The following ABCD2 variants were observed in gnomAD, a reference collection of about 807,000 sequenced individuals.
ABCD2 encodes ATP-binding cassette sub-family D member 2.
A neutral mutation model predicts 70.9 loss-of-function variants in ABCD2; 36 were observed. The ratio of observed to expected loss-of-function variants is 0.51; its 90% confidence interval spans 0.39 to 0.67. The LOEUF (loss-of-function observed/expected upper bound fraction) is 0.67, where lower values mean the gene tolerates loss of function less well. Ranked by LOEUF, ABCD2 falls within the 30% of genes least tolerant of loss-of-function variation. ABCD2 has a pLI of 0.00. For synonymous variants in ABCD2, 304 were observed against 306.9 expected (o/e 0.99, Z 0.10); for missense variants, 729 against 890.2 (o/e 0.82, Z 2.30).
intron 8 of ABCD2, among the ~76,000 whole-genome samples, chr12:39,578,453 G>A (rs1003537370): frequency 1.9e-4 from 25 of 134,560 alleles, no homozygotes; most frequent in African/African-American, 7.4e-4. Flanking sequence ...CAGCCTGGGC[G>A]ACAGAGCAAG....
intron 9 of ABCD2, among the ~76,000 whole-genome samples, chr12:39,561,822 T>C (rs1374981645): frequency 6.6e-6 from 1 of 152,194 alleles, no homozygotes; most frequent in Non-Finnish European, 1.5e-5. Context: ...ATTTAAGCTA[T>C]ATTCTAAACC....
At chr12:39,578,907 T>G (rs1490921664) in intron 8 of ABCD2, among the ~76,000 whole-genome samples, 7 of 152,248 alleles carry the variant, frequency 4.6e-5, no homozygotes, top group African/African-American at 1.7e-4. Context: ...TACACAAGTA[T>G]CATAGTGATT....
the ABCD2 span, among the ~76,000 whole-genome samples, chr12:39,536,084 C>T: frequency 8.5e-5 from 13 of 152,114 alleles, no homozygotes; most frequent in Admixed American, 2.6e-4. Context: ...AGTGAGACTC[C>T]GTCTCAAAAA....
At chr12:39,585,231 C>T (rs903059575) in intron 7 of ABCD2, among the ~76,000 whole-genome samples, 7 of 152,150 alleles carry the variant, frequency 4.6e-5, no homozygotes, top group Non-Finnish European at 7.4e-5. Context: ...AGATCTTTCA[C>T]CTTCCTGGTT....
intron 9 of ABCD2, among the ~76,000 whole-genome samples, chr12:39,567,769 G>T (rs1273204039): frequency 6.6e-6 from 1 of 152,206 alleles, no homozygotes; most frequent in African/African-American, 2.4e-5. Flanking sequence ...GGTACCGGTT[G>T]TTCCTTTCCA....
chr12:39,531,427 C>T, the ABCD2 span, among the ~76,000 whole-genome samples: 47 of 152,238 alleles, frequency 3.1e-4, no homozygotes, highest in Middle Eastern at 3.4e-3. Flanking sequence ...CTTGTTAGAC[C>T]GTTTTGACCT....
At chr12:39,561,233 T>TAAA (rs34293209) in intron 9 of ABCD2, among the ~76,000 whole-genome samples, 29,754 of 145,656 alleles carry the variant, frequency 0.2, 3,193 homozygotes, top group East Asian at 0.4. Flanking sequence ...CCGTCTCTAC[T>TAAA]AAAAAAAAAA....
chr12:39,557,752 C>T (rs751675118), intron 9 of ABCD2, among the ~76,000 whole-genome samples: 1 of 152,160 alleles, frequency 6.6e-6, no homozygotes, highest in Non-Finnish European at 1.5e-5. Flanking sequence ...TCTGAGGGTA[C>T]AAGCCCCAGT....
chr12:39,593,615 G>A (rs1792260811), intron 6 of ABCD2, among the ~76,000 whole-genome samples: 1 of 152,100 alleles, frequency 6.6e-6, no homozygotes, highest in Admixed American at 6.5e-5. Context: ...TAGTGCACAG[G>A]GCAGTTGTGC....
At chr12:39,570,651 A>G (rs1941434776) in intron 9 of ABCD2, among the ~76,000 whole-genome samples, 1 of 152,156 alleles carries the variant, frequency 6.6e-6, no homozygotes, top group African/African-American at 2.4e-5. Flanking sequence ...ATTTCATGAC[A>G]ATGAAATTTG....
intron 2 of ABCD2, among the ~76,000 whole-genome samples, chr12:39,612,133 TA>T (rs1327188672): frequency 4.6e-5 from 7 of 152,138 alleles, no homozygotes; most frequent in Non-Finnish European, 8.8e-5. Context: ...GTTGGGAATG[TA>T]AATTGAAAGA....
intron 9 of ABCD2, among the ~76,000 whole-genome samples, chr12:39,569,882 A>G (rs1289664807): frequency 6.6e-6 from 1 of 152,232 alleles, no homozygotes; most frequent in African/African-American, 2.4e-5. Context: ...AAATGAATTC[A>G]GGAAAGTTGC....
chr12:39,531,208 G>A, the ABCD2 span, among the ~76,000 whole-genome samples: 1 of 152,140 alleles, frequency 6.6e-6, no homozygotes, highest in Non-Finnish European at 1.5e-5. Flanking sequence ...CATCAGGAGG[G>A]TGGTCAGCTC....
intron 8 of ABCD2, among the ~76,000 whole-genome samples, chr12:39,576,656 C>T (rs1941521885): frequency 6.6e-6 from 1 of 152,094 alleles, no homozygotes; most frequent in Non-Finnish European, 1.5e-5. Flanking sequence ...CCCAGCTAAA[C>T]ACAAAAATAA....
At chr12:39,539,604 G>A in the ABCD2 span, 1 of 152,840 alleles carries the variant, frequency 6.5e-6, no homozygotes, top group Non-Finnish European at 1.5e-5. Flanking sequence ...AGAATGCCTA[G>A]GAGCAGGACT....
chr12:39,590,313 T>A (rs897013660), intron 6 of ABCD2, among the ~76,000 whole-genome samples: 15 of 152,224 alleles, frequency 9.9e-5, no homozygotes, highest in Admixed American at 9.2e-4. Context: ...TCACTTGCTC[T>A]GGCTCATTAC....
the ABCD2 span, among the ~76,000 whole-genome samples, chr12:39,534,701 C>CGGAAGGAAGGACGGAA: frequency 6.9e-3 from 763 of 111,268 alleles, 10 homozygotes; most frequent in South Asian, 0.024. Flanking sequence ...GAAGGAAGGA[C>CGGAAGGAAGGACGGAA]GGAAGGAAGG....
intron 9 of ABCD2, among the ~76,000 whole-genome samples, chr12:39,568,622 G>C (rs941787221): frequency 1.3e-5 from 2 of 152,082 alleles, no homozygotes; most frequent in African/African-American, 4.8e-5. Flanking sequence ...CTTCTTCTCT[G>C]AACTCGTCAA....
intron 6 of ABCD2, 42 bp downstream of exon 6, chr12:39,600,529 C>T (rs757136466): frequency 6.7e-7 from 1 of 1,492,884 alleles, no homozygotes; most frequent in Non-Finnish European, 9.0e-7. Flanking sequence ...AATTCAAGAG[C>T]AAAAGGAAAT....
Sources: gnomAD v4.1 joint callset for allele counts (sites outside exome capture counted in the v4.1 genomes callset) on GRCh38, gnomAD v4.1.1 for gene constraint, MANE v1.5 for transcripts, NCBI Gene and HGNC (gene_info 2026-07-23, HGNC 2026-07-21) for gene names.